The following HDAC9 variants were observed in gnomAD, a reference collection of about 807,000 sequenced individuals.
HDAC9 encodes the protein histone deacetylase 9, also known as MEF-2 interacting transcription repressor (MITR) protein.
HDAC9 carries 41 observed loss-of-function variants against 139.4 expected under a neutral mutation model. That is an observed-to-expected ratio of 0.29 (90% confidence interval 0.23 to 0.38). The LOEUF is 0.38. Ranked by LOEUF, HDAC9 falls within the 10% of genes least tolerant of loss-of-function variation. The pLI is 1.00. For synonymous variants in HDAC9, 517 were observed against 476.2 expected, an observed-to-expected ratio of 1.09 and a Z score of -1.12; for missense variants, 1,147 against 1,297.0, an observed-to-expected ratio of 0.88 and a Z score of 1.78.
intron 6 of HDAC9, among the ~76,000 whole-genome samples, chr7:18,601,214 A>G (rs978863356): frequency 7.9e-5 from 12 of 152,072 alleles, no homozygotes; most frequent in African/African-American, 2.4e-4. Flanking sequence ...ATACTTTCCT[A>G]ATTTTTTTGG....
chr7:18,240,012 C>G (rs996343831), intron 2 of HDAC9, among the ~76,000 whole-genome samples: 1 of 143,126 alleles, frequency 7.0e-6, no homozygotes, highest in Non-Finnish European at 1.5e-5. Flanking sequence ...CAGAAAACTT[C>G]GGTGTTTCTA....
At chr7:18,397,696 G>T (rs1461750126) in intron 1 of HDAC9, among the ~76,000 whole-genome samples, 1 of 152,110 alleles carries the variant, frequency 6.6e-6, no homozygotes, top group Non-Finnish European at 1.5e-5. Flanking sequence ...TAAACATTCT[G>T]CCATATGGAA....
At chr7:18,564,967 A>G (rs1025841881) in intron 2 of HDAC9, among the ~76,000 whole-genome samples, 21 of 68,256 alleles carry the variant, frequency 3.1e-4, no homozygotes, top group African/African-American at 8.3e-4. Flanking sequence ...TATTTTATTT[A>G]TTTATTTATT....
rs1786516066 is a variant in HDAC9 at position 18,997,203 on chromosome 7, T to C, written c.*1141T>C. On this transcript the variant is annotated 3_prime_UTR_variant, in exon 26 of 26. Coordinates refer to ENST00000686413, the MANE Select transcript of HDAC9 (RefSeq NM_178425.4). The stretch of plus-strand genomic sequence containing the variant: ...TGAAATGAATATCACTTAAGCAACG[T>C]TGCTAAATTTCTATGTGTTTGAAAT... The C allele has an allele frequency of 6.6e-6, 1 of 152,054 alleles. No individual in the cohort carries two copies. The highest frequency in any genetic ancestry group is 2.4e-5 in the African/African-American group (1 of 41,436). 9.4% of individuals were successfully genotyped at this position (152,054 alleles called of 1,614,324 possible). A position where few individuals can be genotyped will look rare whatever the true frequency, so the allele number is the denominator to read the frequency against.
intron 23 of HDAC9, among the ~76,000 whole-genome samples, chr7:18,953,203 T>A (rs1283724110): frequency 2.0e-5 from 3 of 152,086 alleles, no homozygotes; most frequent in Non-Finnish European, 2.9e-5. Flanking sequence ...CACCAGTTCT[T>A]ATTTGAGATG....
At chr7:18,490,928 G>A (rs1472487700), upstream of HDAC9, among the ~76,000 whole-genome samples, 2 of 151,962 alleles carry the variant, frequency 1.3e-5, no homozygotes, top group South Asian at 2.1e-4. Context: ...GCACAAATTC[G>A]GTATTTGAGG....
At chr7:18,946,389 T>C (rs1419157495) in intron 23 of HDAC9, among the ~76,000 whole-genome samples, 5 of 152,094 alleles carry the variant, frequency 3.3e-5, no homozygotes, top group African/African-American at 1.2e-4. Flanking sequence ...GGTGATAACA[T>C]TGTAATAACA....
intron 17 of HDAC9, among the ~76,000 whole-genome samples, chr7:18,795,262 A>G (rs995512677): frequency 0.014 from 767 of 55,702 alleles, 3 homozygotes; most frequent in African/African-American, 0.028. Context: ...AACAGTAAAA[A>G]AAAAAAAAAA....
chr7:18,554,386 C>A (rs1462017017), intron 2 of HDAC9, among the ~76,000 whole-genome samples: 3 of 125,764 alleles, frequency 2.4e-5, no homozygotes, highest in Non-Finnish European at 4.7e-5. Context: ...CCCAGGCTGG[C>A]GTGCAGTGGC....
At chr7:18,955,611 G>T (rs1328414765) in intron 24 of HDAC9, among the ~76,000 whole-genome samples, 1 of 152,090 alleles carries the variant, frequency 6.6e-6, no homozygotes, top group African/African-American at 2.4e-5. Flanking sequence ...AGGCACAGAG[G>T]TTATGAAGAG....
chr7:18,487,405 ATGT>A (rs912891438), intron 1 of HDAC9, among the ~76,000 whole-genome samples: 2 of 152,064 alleles, frequency 1.3e-5, no homozygotes, highest in Non-Finnish European at 2.9e-5. Context: ...CTGTTGCATG[ATGT>A]TTGCAAAAGA....
chr7:18,677,140 C>T (rs903230544), intron 12 of HDAC9, among the ~76,000 whole-genome samples: 6 of 151,908 alleles, frequency 3.9e-5, no homozygotes, highest in African/African-American at 1.2e-4. Context: ...CACATCCTCA[C>T]TCTCCTCCCA....
intron 1 of HDAC9, among the ~76,000 whole-genome samples, chr7:18,148,642 T>G (rs1487531943): frequency 6.6e-6 from 1 of 152,088 alleles, no homozygotes; most frequent in African/African-American, 2.4e-5. Flanking sequence ...GTATTTTTAG[T>G]AGAGATGGGA....
intron 23 of HDAC9, among the ~76,000 whole-genome samples, chr7:18,940,003 C>T (rs950556098): frequency 5.9e-5 from 9 of 152,182 alleles, no homozygotes; most frequent in Middle Eastern, 3.2e-3. Context: ...AATTCATAAA[C>T]ATTTTGCCAG....
intron 5 of HDAC9, among the ~76,000 whole-genome samples, chr7:18,592,101 T>C (rs1831159682): frequency 6.6e-6 from 1 of 152,098 alleles, no homozygotes; most frequent in Admixed American, 6.6e-5. Context: ...AGGTCAGAGC[T>C]ATTTTCAAAA....
At chr7:18,693,744 A>T (rs1053947400) in intron 12 of HDAC9, among the ~76,000 whole-genome samples, 5 of 152,180 alleles carry the variant, frequency 3.3e-5, no homozygotes, top group African/African-American at 1.2e-4. Context: ...ATCTATTAGG[A>T]TAAAATAGTA....
chr7:18,099,446 C>T (rs1037898864), intron 1 of HDAC9, among the ~76,000 whole-genome samples: 7 of 150,984 alleles, frequency 4.6e-5, no homozygotes, highest in Non-Finnish European at 8.8e-5. Context: ...CCAGCCTGGG[C>T]GACAGAGTGA....
chr7:18,391,391 A>C (rs59030431), intron 1 of HDAC9, among the ~76,000 whole-genome samples: 4,092 of 148,322 alleles, frequency 0.028, 55 homozygotes, highest in African/African-American at 0.038. Context: ...TCCCCCCCCC[A>C]AAAAAAAAAG....
At chr7:18,141,574 CTAGTTTT>C (rs1340965014) in intron 1 of HDAC9, among the ~76,000 whole-genome samples, 1 of 152,088 alleles carries the variant, frequency 6.6e-6, no homozygotes, top group Non-Finnish European at 1.5e-5. Context: ...TATTGACAGC[CTAGTTTT>C]TCAAATAAAA....
Sources: gnomAD v4.1 joint callset for allele counts (sites outside exome capture counted in the v4.1 genomes callset) on GRCh38, gnomAD v4.1.1 for gene constraint, MANE v1.5 for transcripts, NCBI Gene and HGNC (gene_info 2026-07-23, HGNC 2026-07-21) for gene names.